Variants in TENM2 observed in about 807,000 individuals in gnomAD.
The protein encoded by TENM2 is teneurin transmembrane protein 2.
TENM2 carries 52 observed loss-of-function variants against 245.2 expected under a neutral mutation model. The observed-to-expected ratio is 0.21, with a 90% CI of 0.17 to 0.27. The LOEUF (loss-of-function observed/expected upper bound fraction) is 0.27. Among genes scored for constraint, TENM2 ranks in the 10% least tolerant of loss-of-function variants. The pLI, the probability that TENM2 is intolerant of heterozygous loss-of-function variation, is 1.00. For synonymous variants in TENM2, 1,363 were observed against 1,438.9 expected (o/e 0.95, Z 1.19); for missense variants, 3,046 against 3,666.8 (o/e 0.83, Z 4.37).
At chr5:168,215,354 AAGTCC>A in intron 21 of TENM2, 82 bp downstream of exon 23, 1 of 1,121,630 alleles carries the variant, frequency 8.9e-7, no homozygotes, top group South Asian at 1.3e-5. Context: ...GAACTTAACT[AAGTCC>A]AGCAGTCCAA....
At chr5:167,339,063 C>G (rs2127808436) in intron 1 of TENM2, among the ~76,000 whole-genome samples, 1 of 152,250 alleles carries the variant, frequency 6.6e-6, no homozygotes, top group Middle Eastern at 3.4e-3. Context: ...GATTTGTGTT[C>G]TTCTTGCATA....
intron 1 of TENM2, among the ~76,000 whole-genome samples, chr5:167,360,229 G>A (rs1759623760): frequency 6.6e-6 from 1 of 152,166 alleles, no homozygotes; most frequent in Non-Finnish European, 1.5e-5. Context: ...ATAAGGCACT[G>A]TATCGCCCTA....
At position 168,127,071 on chromosome 5, in the gene TENM2, GC is replaced by G. The variant is rs1188479155; in HGVS notation, c.2422+109del. Reference sequence around the variant, plus strand: ...CAAGTGCTCTCCCACATTTCCTGCTGCCCCTCCAAATCTCCCAGGGGATAGG... The same window carrying G: ...CAAGTGCTCTCCCACATTTCCTGCTGCCCTCCAAATCTCCCAGGGGATAGG... On this transcript the variant is annotated intron_variant, in intron 12 of 28. Coordinates refer to ENST00000518659, the Ensembl canonical transcript of TENM2. 6 of 986,726 alleles carry G rather than the reference GC, an allele frequency of 6.1e-6. No homozygotes were observed. In the African/African-American group the frequency reaches 9.7e-5, roughly 16 times the overall value. The allele number at this position is 986,726 out of a possible 1,614,324, so 61.1% of individuals were successfully genotyped here.
chr5:167,772,874 T>C (rs1274049464), intron 2 of TENM2, among the ~76,000 whole-genome samples: 1 of 152,242 alleles, frequency 6.6e-6, no homozygotes, highest in East Asian at 1.9e-4. Flanking sequence ...TTCCTAAATA[T>C]GATTTAATTC....
At chr5:167,444,608 C>T (rs1033225576) in intron 2 of TENM2, among the ~76,000 whole-genome samples, 55 of 152,008 alleles carry the variant, frequency 3.6e-4, no homozygotes, top group African/African-American at 1.3e-3. Flanking sequence ...TGAATAAAAC[C>T]AGATTCCTCT....
chr5:167,370,041 C>A (rs1760310345), intron 1 of TENM2, among the ~76,000 whole-genome samples: 1 of 152,154 alleles, frequency 6.6e-6, no homozygotes, highest in South Asian at 2.1e-4. Context: ...TGCAAAATTT[C>A]TCTCTAAAAA....
chr5:167,618,225 A>G (rs1582558686), intron 2 of TENM2, among the ~76,000 whole-genome samples: 1 of 152,066 alleles, frequency 6.6e-6, no homozygotes, highest in East Asian at 1.9e-4. Flanking sequence ...GCTAGCTTAG[A>G]GTTGAGCAGA....
At position 168,042,928 on chromosome 5, in the gene TENM2, T is replaced by C. The variant is rs534666563; in HGVS notation, c.1187-4499T>C. Among the ~76,000 whole-genome samples the C allele has an allele frequency of 2.6e-5, 4 of 152,214 alleles. No individual in the cohort carries two copies. In the South Asian group the frequency reaches 8.3e-4, roughly 32 times the overall value. On this transcript the variant is annotated intron_variant, in intron 5 of 28. Coordinates refer to ENST00000518659, the Ensembl canonical transcript of TENM2. ...AGTTTCCGCTCAGAGCCCTTCCCCA[T>C]CCCATCCTTAGTGACCCATGGAGCC... is the stretch of plus-strand genomic sequence containing the variant.
chr5:167,300,970 C>A (rs376055202), intron 1 of TENM2, among the ~76,000 whole-genome samples: 3 of 152,168 alleles, frequency 2.0e-5, no homozygotes, highest in South Asian at 4.2e-4. Context: ...AGAAGCCTGG[C>A]CGTCAATACC....
chr5:167,580,489 C>G (rs1363756894), intron 2 of TENM2, among the ~76,000 whole-genome samples: 1 of 152,174 alleles, frequency 6.6e-6, no homozygotes, highest in East Asian at 1.9e-4. Context: ...GCCAATCAGT[C>G]CTTGATAAGT....
intron 2 of TENM2, among the ~76,000 whole-genome samples, chr5:167,566,357 A>G (rs773715014): frequency 2.0e-5 from 3 of 152,140 alleles, no homozygotes; most frequent in South Asian, 2.1e-4. Context: ...TTGTAATTCC[A>G]TCACATTACA....
At chr5:167,448,062 C>T (rs1420116117) in intron 2 of TENM2, among the ~76,000 whole-genome samples, 2 of 152,162 alleles carry the variant, frequency 1.3e-5, no homozygotes, top group Non-Finnish European at 2.9e-5. Context: ...ATTCCTTTCC[C>T]AGTCCCTACT....
chr5:167,422,617 A>G (rs1763578020), intron 2 of TENM2, among the ~76,000 whole-genome samples: 1 of 152,200 alleles, frequency 6.6e-6, no homozygotes, highest in African/African-American at 2.4e-5. Flanking sequence ...AGACAACTCC[A>G]GGTAAGGAGA....
chr5:167,952,473 C>T (rs2151840995), intron 3 of TENM2, 115 bp from the exon 6 acceptor site: 1 of 860,928 alleles, frequency 1.2e-6, no homozygotes, highest in East Asian at 2.7e-5. Context: ...TAGCTTGCAG[C>T]TTTCAGCAAT....
At chr5:167,807,616 A>ATTTT (rs770429037) in intron 2 of TENM2, among the ~76,000 whole-genome samples, 2 of 25,446 alleles carry the variant, frequency 7.9e-5, no homozygotes, top group African/African-American at 1.4e-4. Flanking sequence ...TAATAAATGC[A>ATTTT]TTTTTTTTAA....
At chr5:167,596,795 CAAAA>C (rs35609546) in intron 2 of TENM2, among the ~76,000 whole-genome samples, 5 of 131,794 alleles carry the variant, frequency 3.8e-5, no homozygotes, top group Admixed American at 7.6e-5. Context: ...GATTCTGCCT[CAAAA>C]AAAAAAAAAA....
intron 2 of TENM2, among the ~76,000 whole-genome samples, chr5:167,801,229 C>A (rs1361931994): frequency 7.1e-6 from 1 of 141,724 alleles, no homozygotes; most frequent in Non-Finnish European, 1.5e-5. Flanking sequence ...TATTAGTAAA[C>A]AAATGTTTCT....
At chr5:167,959,932 G>C (rs1392595977) in intron 4 of TENM2, among the ~76,000 whole-genome samples, 1 of 152,158 alleles carries the variant, frequency 6.6e-6, no homozygotes, top group African/African-American at 2.4e-5. Flanking sequence ...CTTTCTGTTT[G>C]TTAGTTTCCA....
chr5:167,284,988 C>T lies in TENM2; in HGVS notation c.151C>T (p.His51Tyr), dbSNP rs1384950683. The change falls in exon 1 of 29, where the codon CAT (histidine) becomes TAT (tyrosine). Residue 51 changes from histidine to tyrosine, a missense_variant. Physicochemically the swap from His to Tyr is moderately conservative, Grantham distance 83. This residue lies in a region of TENM2 where 342 missense variants were observed against 335.0 expected (regional missense o/e 1.02). Coordinates refer to ENST00000518659, the Ensembl canonical transcript of TENM2. ...CAGTGAGACTCTGAAGGCCTATGAC[C>T]ATGACAGCAGGATGCACTATGGAAA... 3.2e-6 allele frequency: 5 copies of T among 1,551,902 alleles called. No individual in the cohort carries two copies. The highest frequency in any genetic ancestry group is 1.7e-4 in the Middle Eastern group (1 of 6,018).
Sources: gnomAD v4.1 joint callset for allele counts (sites outside exome capture counted in the v4.1 genomes callset) on GRCh38, gnomAD v4.1.1 for gene constraint, gnomAD v4.1.1 regional missense constraint, MANE v1.5 for transcripts, NCBI Gene and HGNC (gene_info 2026-07-23, HGNC 2026-07-21) for gene names.